The following CLNK variants were observed in gnomAD, a reference collection of about 807,000 sequenced individuals.
CLNK encodes cytokine-dependent hematopoietic cell linker.
A neutral mutation model predicts 68.6 loss-of-function variants in CLNK; 74 were observed. That is an observed-to-expected ratio of 1.08 (90% confidence interval 0.89 to 1.31). The LOEUF (loss-of-function observed/expected upper bound fraction) is 1.31. Among genes scored for constraint, CLNK ranks in the 50% most tolerant of loss-of-function variants. The pLI is 0.00. For missense variants in CLNK, 553 were observed against 515.3 expected (o/e 1.07, Z -0.71); for synonymous variants, 198 against 172.2 (o/e 1.15, Z -1.17).
the CLNK span, among the ~76,000 whole-genome samples, chr4:10,696,676 C>G: frequency 1.3e-4 from 20 of 152,146 alleles, no homozygotes; most frequent in African/African-American, 4.3e-4. Flanking sequence ...ACTCAATAGC[C>G]GAAAGTCTTC....
intron 18 of CLNK, among the ~76,000 whole-genome samples, chr4:10,498,533 T>C (rs1716905690): frequency 6.6e-6 from 1 of 152,046 alleles, no homozygotes; most frequent in Non-Finnish European, 1.5e-5. Flanking sequence ...TATAATGCTT[T>C]CCTAAAGATG....
intron 10 of CLNK, 25 bp from the exon 11 acceptor site, chr4:10,540,629 C>T: frequency 1.3e-6 from 2 of 1,549,440 alleles, no homozygotes; most frequent in Non-Finnish European, 8.9e-7. Context: ...GCAGTAGGGT[C>T]CTGAGAAAGT....
chr4:10,546,046 G>C (rs1054537218), intron 8 of CLNK, among the ~76,000 whole-genome samples: 1 of 152,122 alleles, frequency 6.6e-6, no homozygotes, highest in Non-Finnish European at 1.5e-5. Context: ...TGTGATAAGA[G>C]GGCAGCCTCA....
chr4:10,606,708 G>C (rs1432972659), intron 2 of CLNK, among the ~76,000 whole-genome samples: 1 of 151,982 alleles, frequency 6.6e-6, no homozygotes, highest in Non-Finnish European at 1.5e-5. Context: ...AATCTTATGG[G>C]GTCACCATCA....
chr4:10,701,228 A>G, the CLNK span, among the ~76,000 whole-genome samples: 33 of 152,332 alleles, frequency 2.2e-4, no homozygotes, highest in Admixed American at 1.8e-3. Flanking sequence ...GACATTGTCA[A>G]TTTCAGGCTT....
rs1560184548 is a variant in CLNK at position 10,488,522 on chromosome 4, CG to C, written c.*1944del. 1 of 152,256 alleles carries C rather than the reference CG, an allele frequency of 6.6e-6. No individual in the cohort carries two copies. The highest frequency in any genetic ancestry group is 2.4e-5 in the African/African-American group (1 of 41,460). 9.4% of individuals were successfully genotyped at this position (152,256 alleles called of 1,614,324 possible). A position where few individuals can be genotyped will look rare whatever the true frequency, so the allele number is the denominator to read the frequency against. ...CAACCATACAGCTTTTAGCTTTGAC[CG>C]GACCAGTGAGTTCTTTCGTATCCAA... On this transcript the variant is annotated 3_prime_UTR_variant, in exon 19 of 19. Transcript: ENST00000226951.
At chr4:10,661,315 T>A (rs946533943) in intron 2 of CLNK, among the ~76,000 whole-genome samples, 1 of 152,204 alleles carries the variant, frequency 6.6e-6, no homozygotes, top group Non-Finnish European at 1.5e-5. Flanking sequence ...ACCTAGGAAC[T>A]GAATACATTT....
At chr4:10,531,192 G>A (rs1454405766) in intron 12 of CLNK, among the ~76,000 whole-genome samples, 1 of 152,142 alleles carries the variant, frequency 6.6e-6, no homozygotes, top group Non-Finnish European at 1.5e-5. Flanking sequence ...CACTTGTGTT[G>A]TTGGACAGTC....
chr4:10,533,207 C>T (rs2108803572), intron 11 of CLNK, among the ~76,000 whole-genome samples: 1 of 152,316 alleles, frequency 6.6e-6, no homozygotes, highest in East Asian at 1.9e-4. Context: ...TTGCTGTGAG[C>T]TGAGATCATC....
intron 1 of CLNK, among the ~76,000 whole-genome samples, chr4:10,681,732 T>C (rs1270618337): frequency 2.0e-5 from 3 of 152,318 alleles, no homozygotes; most frequent in African/African-American, 4.8e-5. Flanking sequence ...GCCCTGATCA[T>C]GAACCTGGGA....
chr4:10,708,379 A>G, the CLNK span, among the ~76,000 whole-genome samples: 1 of 152,216 alleles, frequency 6.6e-6, no homozygotes, highest in Admixed American at 6.5e-5. Context: ...TTTGTGGTGA[A>G]CACTATTTTT....
At chr4:10,536,798 G>A (rs1718777098) in intron 11 of CLNK, among the ~76,000 whole-genome samples, 1 of 152,090 alleles carries the variant, frequency 6.6e-6, no homozygotes, top group African/African-American at 2.4e-5. Flanking sequence ...AAAGTAAACT[G>A]TAACTACAGG....
At chr4:10,675,366 T>C (rs1189113212) in intron 1 of CLNK, among the ~76,000 whole-genome samples, 2 of 152,220 alleles carry the variant, frequency 1.3e-5, no homozygotes, top group African/African-American at 2.4e-5. Context: ...GTTTTATAAA[T>C]AGGCTGGATT....
intron 5 of CLNK, among the ~76,000 whole-genome samples, chr4:10,569,273 T>G (rs34621486): frequency 3.1e-3 from 462 of 148,798 alleles, no homozygotes; most frequent in Non-Finnish European, 4.7e-3. Flanking sequence ...CTGCACAACA[T>G]TTGAGGGTGG....
At chr4:10,595,305 A>C (rs1380569260) in intron 3 of CLNK, among the ~76,000 whole-genome samples, 1 of 152,200 alleles carries the variant, frequency 6.6e-6, no homozygotes, top group African/African-American at 2.4e-5. Context: ...GTTCTGGTGC[A>C]TATTGGGTGC....
intron 2 of CLNK, among the ~76,000 whole-genome samples, chr4:10,637,272 G>C (rs909481578): frequency 1.3e-5 from 2 of 152,082 alleles, no homozygotes; most frequent in Non-Finnish European, 2.9e-5. Flanking sequence ...TCACTCCCCA[G>C]CTCTCCATCT....
intron 18 of CLNK, among the ~76,000 whole-genome samples, chr4:10,497,559 A>G (rs920996248): frequency 6.6e-5 from 10 of 152,226 alleles, no homozygotes; most frequent in Non-Finnish European, 1.0e-4. Flanking sequence ...ATGGCCTGCC[A>G]TAGGAGATGC....
At chr4:10,645,026 G>A (rs1437481162) in intron 2 of CLNK, among the ~76,000 whole-genome samples, 1 of 152,200 alleles carries the variant, frequency 6.6e-6, no homozygotes, top group African/African-American at 2.4e-5. Flanking sequence ...CATACTGTTT[G>A]CTCTTTCTGT....
chr4:10,552,676 TC>T (rs1266857088), intron 8 of CLNK, among the ~76,000 whole-genome samples: 3 of 151,854 alleles, frequency 2.0e-5, no homozygotes, highest in Non-Finnish European at 2.9e-5. Flanking sequence ...TCCCATCCCT[TC>T]CCCCAAACTG....
Sources: gnomAD v4.1 joint callset for allele counts (sites outside exome capture counted in the v4.1 genomes callset) on GRCh38, gnomAD v4.1.1 for gene constraint, MANE v1.5 for transcripts, NCBI Gene and HGNC (gene_info 2026-07-23, HGNC 2026-07-21) for gene names.